The following GPC5 variants were observed in gnomAD, a reference collection of about 807,000 sequenced individuals.
GPC5 encodes glypican-5.
GPC5 carries 47 observed loss-of-function variants against 53.9 expected under a neutral mutation model. That is an observed-to-expected ratio of 0.87 (90% CI 0.69 to 1.11). GPC5 has a LOEUF of 1.11. Among genes scored for constraint, GPC5 ranks in the 50% most tolerant of loss-of-function variants. The probability of loss-of-function intolerance (pLI) is 0.00; values close to 1 mark genes in which losing one functional copy is unlikely to be tolerated. For missense variants in GPC5, 748 were observed against 713.1 expected (o/e 1.05, Z -0.56); for synonymous variants, 286 against 263.3 (o/e 1.09, Z -0.84).
chr13:92,245,457 T>C (rs2042643628), intron 7 of GPC5, among the ~76,000 whole-genome samples: 1 of 152,224 alleles, frequency 6.6e-6, no homozygotes, highest in Non-Finnish European at 1.5e-5. Context: ...ATCTGTTTTA[T>C]TCACTATTAT....
At chr13:91,941,559 G>A (rs917701557) in intron 6 of GPC5, among the ~76,000 whole-genome samples, 5 of 151,988 alleles carry the variant, frequency 3.3e-5, no homozygotes, top group Non-Finnish European at 7.4e-5. Context: ...GGCCTCTTAG[G>A]TGGACTGAGA....
chr13:92,576,169 A>C (rs2139046955), intron 7 of GPC5, among the ~76,000 whole-genome samples: 1 of 152,360 alleles, frequency 6.6e-6, no homozygotes, highest in African/African-American at 2.4e-5. Context: ...TCTCTTCATA[A>C]CATTAGTTTT....
intron 2 of GPC5, among the ~76,000 whole-genome samples, chr13:91,484,181 A>C (rs904151234): frequency 6.6e-6 from 1 of 152,188 alleles, no homozygotes; most frequent in African/African-American, 2.4e-5. Flanking sequence ...TTTTCATTGC[A>C]TTGAAGCGAG....
chr13:91,921,160 C>T (rs1341439642), intron 6 of GPC5, among the ~76,000 whole-genome samples: 1 of 152,004 alleles, frequency 6.6e-6, no homozygotes, highest in Non-Finnish European at 1.5e-5. Context: ...TGGTCTCCAA[C>T]TCTTGACCTC....
intron 7 of GPC5, among the ~76,000 whole-genome samples, chr13:92,376,220 T>C (rs1182628967): frequency 6.6e-6 from 1 of 152,218 alleles, no homozygotes; most frequent in Non-Finnish European, 1.5e-5. Context: ...AACTTTGATA[T>C]TTTATAATAG....
At chr13:91,851,488 G>T (rs2038912281) in intron 5 of GPC5, among the ~76,000 whole-genome samples, 1 of 149,244 alleles carries the variant, frequency 6.7e-6, no homozygotes, top group African/African-American at 2.5e-5. Context: ...AATAAATTTA[G>T]AATACGTTTT....
At chr13:92,779,928 G>C (rs34926831) in intron 7 of GPC5, among the ~76,000 whole-genome samples, 27,143 of 151,990 alleles carry the variant, frequency 0.18, 3,245 homozygotes, top group Non-Finnish European at 0.27. Context: ...CTTTACAGAG[G>C]ATAATCTATT....
At chr13:91,420,999 G>A (rs1466463638) in intron 1 of GPC5, among the ~76,000 whole-genome samples, 1 of 152,172 alleles carries the variant, frequency 6.6e-6, no homozygotes, top group Non-Finnish European at 1.5e-5. Context: ...ATAAATTTAT[G>A]TTGGCATCTT....
chr13:92,476,865 AG>A (rs1265795887), intron 7 of GPC5, among the ~76,000 whole-genome samples: 1 of 125,238 alleles, frequency 8.0e-6, no homozygotes, highest in Non-Finnish European at 1.6e-5. Flanking sequence ...GGACACAGGA[AG>A]GGGAATATCA....
chr13:91,723,373 A>G (rs938869533), intron 3 of GPC5, among the ~76,000 whole-genome samples: 1 of 151,702 alleles, frequency 6.6e-6, no homozygotes, highest in African/African-American at 2.4e-5. Context: ...TATGCATGCA[A>G]TTCTATTCAT....
intron 2 of GPC5, among the ~76,000 whole-genome samples, chr13:91,497,050 G>A (rs951027884): frequency 6.6e-6 from 1 of 151,564 alleles, no homozygotes; most frequent in African/African-American, 2.4e-5. Flanking sequence ...AAATTAATAT[G>A]CTTTTTTCCT....
intron 7 of GPC5, among the ~76,000 whole-genome samples, chr13:92,590,408 A>G (rs1426983003): frequency 1.3e-5 from 2 of 152,170 alleles, no homozygotes; most frequent in African/African-American, 2.4e-5. Context: ...CTATGCAGCT[A>G]AGCTAGAATT....
intron 2 of GPC5, among the ~76,000 whole-genome samples, chr13:91,671,327 A>T (rs1360095022): frequency 6.6e-6 from 1 of 152,136 alleles, no homozygotes; most frequent in East Asian, 1.9e-4. Context: ...CAACATATTG[A>T]ATCAAAGAAT....
At chr13:92,861,010 C>A (rs1222171082) in intron 7 of GPC5, among the ~76,000 whole-genome samples, 1 of 151,720 alleles carries the variant, frequency 6.6e-6, no homozygotes, top group Non-Finnish European at 1.5e-5. Context: ...GGAAACACAG[C>A]AATAGACTAT....
chr13:92,213,950 C>T (rs2042392633), intron 7 of GPC5, among the ~76,000 whole-genome samples: 1 of 152,078 alleles, frequency 6.6e-6, no homozygotes, highest in Non-Finnish European at 1.5e-5. Context: ...ATTTTATTTC[C>T]ATTTAAAAAA....
At chr13:91,916,293 A>G (rs1480419109) in intron 6 of GPC5, among the ~76,000 whole-genome samples, 1 of 152,202 alleles carries the variant, frequency 6.6e-6, no homozygotes, top group Non-Finnish European at 1.5e-5. Flanking sequence ...ATCTAGGTAT[A>G]TACTCAAGAG....
At chr13:92,207,699 A>G (rs951827171) in intron 7 of GPC5, among the ~76,000 whole-genome samples, 1 of 152,186 alleles carries the variant, frequency 6.6e-6, no homozygotes, top group Non-Finnish European at 1.5e-5. Flanking sequence ...TTAATTGCCT[A>G]TTCCAATTCT....
intron 2 of GPC5, among the ~76,000 whole-genome samples, chr13:91,477,069 A>G (rs1187365925): frequency 6.6e-6 from 1 of 152,226 alleles, no homozygotes; most frequent in African/African-American, 2.4e-5. Flanking sequence ...CAAGAAAATT[A>G]TGTGAAAGGA....
intron 7 of GPC5, among the ~76,000 whole-genome samples, chr13:92,759,122 G>A (rs1875051271): frequency 1.4e-5 from 2 of 141,476 alleles, no homozygotes. Context: ...CTGTTTTTAT[G>A]CCAGTACCAT....
Sources: gnomAD v4.1 joint callset for allele counts (sites outside exome capture counted in the v4.1 genomes callset) on GRCh38, gnomAD v4.1.1 for gene constraint, MANE v1.5 for transcripts, NCBI Gene and HGNC (gene_info 2026-07-23, HGNC 2026-07-21) for gene names.